The following PEAK1 variants were observed in gnomAD, a reference collection of about 807,000 sequenced individuals.
The protein encoded by PEAK1 is inactive tyrosine-protein kinase PEAK1.
PEAK1 carries 54 observed loss-of-function variants against 124.7 expected under a neutral mutation model. The ratio of observed to expected loss-of-function variants is 0.43; its 90% CI spans 0.35 to 0.54. PEAK1 has a LOEUF of 0.54. PEAK1 is among the 20% of genes least tolerant of loss of function. PEAK1 has a pLI of 0.01. For missense variants in PEAK1, 2,046 were observed against 2,134.5 expected, an observed-to-expected ratio of 0.96 and a Z score of 0.82; for synonymous variants, 719 against 760.0, an observed-to-expected ratio of 0.95 and a Z score of 0.89.
intron 6 of PEAK1, among the ~76,000 whole-genome samples, chr15:77,203,194 C>T (rs2058455834): frequency 6.6e-6 from 1 of 151,774 alleles, no homozygotes; most frequent in South Asian, 2.1e-4. Flanking sequence ...TGAAGAGTGG[C>T]ACAGGCAGAA....
In PEAK1 at chr15:77,179,668, C is replaced by T. The variant is rs747281794; in HGVS notation, c.2259G>A (p.Met753Ile). The T allele has an allele frequency of 1.9e-6, 3 of 1,614,096 alleles. No individual in the cohort carries two copies. The highest frequency in any genetic ancestry group is 3.3e-5 in the Admixed American group (2 of 60,006). ...AKIEGTQESQMVGSSSTREKA... is the reference protein window; with the variant it reads ...AKIEGTQESQIVGSSSTREKA... ...TCTCTCTGGTGCTGCTGCTGCCCAC[C>T]ATCTGAGACTCCTGAGTGCCTTCTA... is the stretch of plus-strand genomic sequence containing the variant. The change falls in exon 7 of 10, where the codon ATG becomes ATA. Residue 753 changes from methionine to isoleucine, a missense_variant. Physicochemically the swap from Met to Ile is conservative, Grantham distance 10. Coordinates refer to ENST00000682557, the MANE Select transcript of PEAK1 (RefSeq NM_001385026.1).
At position 77,112,705 on chromosome 15, in the gene PEAK1, A is replaced by C. The variant is rs1180032107; in HGVS notation, c.*1451T>G. On this transcript the variant is annotated 3_prime_UTR_variant, in exon 10 of 10. Coordinates refer to ENST00000682557, the MANE Select transcript of PEAK1 (RefSeq NM_001385026.1). ...CACACACACACACACACACACACAC[A>C]ACCCCAGTGGAAGGAACGCTCATCT... 1.5e-5 allele frequency: 2 copies of C among 132,548 alleles called. No homozygotes were observed. The highest frequency in any genetic ancestry group is 3.3e-5 in the Non-Finnish European group (2 of 60,546). 8.2% of individuals were successfully genotyped at this position (132,548 alleles called of 1,614,324 possible). A position where few individuals can be genotyped will look rare whatever the true frequency, so the allele number is the denominator to read the frequency against.
intron 6 of PEAK1, among the ~76,000 whole-genome samples, chr15:77,199,186 AC>A (rs980391200): frequency 1.3e-5 from 2 of 152,260 alleles, no homozygotes; most frequent in Admixed American, 6.5e-5. Flanking sequence ...CTGAATGAGA[AC>A]CCTTTTTCCA....
At chr15:77,294,880 A>G (rs1206638293) in intron 2 of PEAK1, among the ~76,000 whole-genome samples, 1 of 152,178 alleles carries the variant, frequency 6.6e-6, no homozygotes, top group Non-Finnish European at 1.5e-5. Context: ...TATAACATAA[A>G]TCTGGTTTCT....
chr15:77,371,613 C>T (rs910013564), intron 1 of PEAK1, among the ~76,000 whole-genome samples: 4 of 152,204 alleles, frequency 2.6e-5, no homozygotes, highest in South Asian at 4.1e-4. Flanking sequence ...AGAAGCTGGG[C>T]GCAGTGGCTC....
intron 1 of PEAK1, 146 bp from the exon 2 acceptor site, chr15:77,365,371 T>G (rs1007442056): frequency 1.4e-4 from 23 of 165,432 alleles, no homozygotes; most frequent in Non-Finnish European, 2.9e-4. Flanking sequence ...ATCTATAGAA[T>G]GTCAAGAATT....
intron 8 of PEAK1, among the ~76,000 whole-genome samples, chr15:77,144,971 A>C (rs1289663842): frequency 1.3e-5 from 2 of 152,114 alleles, no homozygotes; most frequent in Non-Finnish European, 2.9e-5. Flanking sequence ...AACATCACAT[A>C]CTCTACATTT....
chr15:77,349,957 A>G, intron 2 of PEAK1: 2 of 984,948 alleles, frequency 2.0e-6, no homozygotes, highest in South Asian at 9.4e-5. Context: ...TCCATATTCC[A>G]AATTCTTCCT....
chr15:77,102,966 G>A (rs1286115654), exon 7 of PEAK1: 1 of 152,038 alleles, frequency 6.6e-6, no homozygotes, highest in Non-Finnish European at 1.5e-5. Flanking sequence ...CTCTGTATCT[G>A]TGCATCTTTT....
chr15:77,206,841 A>G (rs1021275877), intron 6 of PEAK1, among the ~76,000 whole-genome samples: 4 of 152,172 alleles, frequency 2.6e-5, no homozygotes, highest in African/African-American at 9.7e-5. Context: ...ATTAGATCGC[A>G]TCACACTACC....
Position 77,115,018 on chromosome 15 carries a change from ACAAC to A in PEAK1, c.4375_4378del (p.Val1459TrpfsTer60). The A allele has an allele frequency of 6.2e-7, 1 of 1,614,140 alleles. No individual in the cohort carries two copies. The highest frequency in any genetic ancestry group is 8.5e-7 in the Non-Finnish European group (1 of 1,180,014). On this transcript the variant is annotated frameshift_variant, in exon 10 of 10. Transcript: ENST00000682557. LOFTEE classifies it high-confidence loss of function. ...ACATGGAACCTCCCTGGTGATGACC[ACAAC>A]GTGGCTCCTCTGCTTCTTGCTCATG...
chr15:77,195,093 T>C (rs556116150), intron 6 of PEAK1, among the ~76,000 whole-genome samples: 109 of 152,104 alleles, frequency 7.2e-4, no homozygotes, highest in African/African-American at 2.6e-3. Flanking sequence ...AAATAATTAC[T>C]CTTTATAGAA....
intron 1 of PEAK1, chr15:77,403,342 T>C (rs528496704): frequency 7.5e-6 from 7 of 935,406 alleles, no homozygotes; most frequent in East Asian, 1.2e-4. Flanking sequence ...TAGTAACATA[T>C]TTTTAGAAAT....
chr15:77,345,938 G>C (rs930435218), intron 2 of PEAK1: 1 of 984,848 alleles, frequency 1.0e-6, no homozygotes, highest in African/African-American at 1.7e-5. Context: ...ATTAATTATA[G>C]CACATAGCAA....
chr15:77,370,328 A>C (rs2068553242), intron 1 of PEAK1, among the ~76,000 whole-genome samples: 2 of 152,292 alleles, frequency 1.3e-5, no homozygotes, highest in South Asian at 4.1e-4. Context: ...AGGTACACAC[A>C]AAAAAGTTTT....
chr15:77,190,181 T>A (rs557467295), intron 6 of PEAK1, among the ~76,000 whole-genome samples: 1 of 152,034 alleles, frequency 6.6e-6, no homozygotes, highest in Non-Finnish European at 1.5e-5. Flanking sequence ...TAGAAAAGAG[T>A]GAACAATACA....
intron 1 of PEAK1, among the ~76,000 whole-genome samples, chr15:77,411,953 G>C (rs976718085): frequency 6.6e-6 from 1 of 152,116 alleles, no homozygotes; most frequent in African/African-American, 2.4e-5. Flanking sequence ...GCCTTCTACT[G>C]CTATTCTCTT....
chr15:77,299,208 G>C (rs2063664794), intron 2 of PEAK1, among the ~76,000 whole-genome samples: 1 of 152,042 alleles, frequency 6.6e-6, no homozygotes, highest in Non-Finnish European at 1.5e-5. Flanking sequence ...TTCAAGGTCT[G>C]GAGATATTTC....
intron 1 of PEAK1, chr15:77,418,242 C>G (rs1266030256): frequency 6.1e-6 from 6 of 985,270 alleles, no homozygotes; most frequent in Non-Finnish European, 7.2e-6. Context: ...CCCTAGAACA[C>G]AGCCACACAT....
Sources: allele counts gnomAD v4.1 joint callset (sites outside exome capture counted in the v4.1 genomes callset), GRCh38; gene constraint gnomAD v4.1.1; transcripts MANE v1.5; gene names NCBI Gene and HGNC (gene_info 2026-07-23, HGNC 2026-07-21).